Variants in CNTNAP5 observed in about 807,000 individuals in gnomAD.
The protein encoded by CNTNAP5 is contactin associated protein family member 5.
A neutral mutation model predicts 150.2 loss-of-function variants in CNTNAP5; 72 were observed. The observed-to-expected ratio is 0.48, with a 90% CI of 0.40 to 0.58. The LOEUF is 0.58. Ranked by LOEUF, CNTNAP5 falls within the 20% of genes least tolerant of loss-of-function variation. The probability of loss-of-function intolerance (pLI) is 0.00; values close to 1 mark genes in which losing one functional copy is unlikely to be tolerated. For missense variants in CNTNAP5, 1,636 were observed against 1,626.2 expected, an observed-to-expected ratio of 1.01 and a Z score of -0.10; for synonymous variants, 672 against 619.8, an observed-to-expected ratio of 1.08 and a Z score of -1.25.
chr2:124,053,423 A>G (rs1681760582), intron 1 of CNTNAP5, among the ~76,000 whole-genome samples: 1 of 152,204 alleles, frequency 6.6e-6, no homozygotes, highest in African/African-American at 2.4e-5. Context: ...GAGAGCATCA[A>G]CCACGAGGAC....
intron 11 of CNTNAP5, among the ~76,000 whole-genome samples, chr2:124,565,568 TAGATCC>T (rs1696001741): frequency 7.1e-6 from 1 of 141,018 alleles, no homozygotes; most frequent in African/African-American, 2.6e-5. Context: ...AAATTTTACC[TAGATCC>T]TTTTTTTTTT....
chr2:124,060,919 C>T (rs2104653261), intron 1 of CNTNAP5, among the ~76,000 whole-genome samples: 1 of 152,288 alleles, frequency 6.6e-6, no homozygotes, highest in Admixed American at 6.5e-5. Context: ...CATGCAGATA[C>T]AGTTGACCCA....
At chr2:124,889,365 A>G (rs180828795) in intron 21 of CNTNAP5, among the ~76,000 whole-genome samples, 1 of 152,164 alleles carries the variant, frequency 6.6e-6, no homozygotes, top group Non-Finnish European at 1.5e-5. Context: ...TGCTGGAATT[A>G]CAGGCTTGAG....
chr2:124,260,702 TA>T, intron 3 of CNTNAP5, among the ~76,000 whole-genome samples: 1 of 152,322 alleles, frequency 6.6e-6, no homozygotes, highest in Admixed American at 6.5e-5. Context: ...ATATGCATCA[TA>T]AAACAAATGG....
At chr2:124,593,289 C>CCCG (rs1696744555) in intron 11 of CNTNAP5, among the ~76,000 whole-genome samples, 1 of 132,638 alleles carries the variant, frequency 7.5e-6, no homozygotes, top group Non-Finnish European at 1.6e-5. Flanking sequence ...TCCCCCCTCC[C>CCCG]ACCTCCCCAC....
chr2:124,036,250 A>G (rs935276714), intron 1 of CNTNAP5, among the ~76,000 whole-genome samples: 1 of 152,016 alleles, frequency 6.6e-6, no homozygotes, highest in Non-Finnish European at 1.5e-5. Flanking sequence ...TAATCTGTGA[A>G]CCGCATATTA....
chr2:124,837,192 A>G (rs1682847635), intron 19 of CNTNAP5, among the ~76,000 whole-genome samples: 2 of 152,128 alleles, frequency 1.3e-5, no homozygotes, highest in African/African-American at 4.8e-5. Flanking sequence ...AAAAAAAAAA[A>G]AGGTTAAATG....
intron 19 of CNTNAP5, among the ~76,000 whole-genome samples, chr2:124,844,097 A>C (rs1391754898): frequency 6.6e-6 from 1 of 152,002 alleles, no homozygotes; most frequent in African/African-American, 2.4e-5. Flanking sequence ...GCTAATGTCT[A>C]GAAGAGTTTT....
intron 19 of CNTNAP5, among the ~76,000 whole-genome samples, chr2:124,846,137 C>T (rs556532310): frequency 9.2e-5 from 14 of 152,152 alleles, no homozygotes; most frequent in African/African-American, 3.4e-4. Flanking sequence ...TTAATGTAGA[C>T]ATTTAATGCC....
chr2:124,695,770 C>T (rs1679393048), intron 13 of CNTNAP5, among the ~76,000 whole-genome samples: 1 of 152,102 alleles, frequency 6.6e-6, no homozygotes, highest in African/African-American at 2.4e-5. Context: ...TCCCCATTGC[C>T]CAGGCTGTCC....
At chr2:124,242,490 G>GT (rs1265202995) in intron 3 of CNTNAP5, 97 bp downstream of exon 3, 45 of 1,189,648 alleles carry the variant, frequency 3.8e-5, no homozygotes, top group Non-Finnish European at 1.9e-5. Context: ...ATTGTTGGTA[G>GT]TTTAATAACT....
chr2:124,231,828 G>A (rs1686628459), intron 2 of CNTNAP5, among the ~76,000 whole-genome samples: 1 of 152,126 alleles, frequency 6.6e-6, no homozygotes, highest in African/African-American at 2.4e-5. Context: ...CAAATTCAAT[G>A]TGATAGCCCT....
At chr2:124,758,056 G>T (rs906234396) in intron 14 of CNTNAP5, among the ~76,000 whole-genome samples, 1 of 152,150 alleles carries the variant, frequency 6.6e-6, no homozygotes, top group Non-Finnish European at 1.5e-5. Context: ...AGAGTGGATA[G>T]ATTAGAAGCA....
At chr2:124,224,235 A>G (rs1286421467) in intron 2 of CNTNAP5, among the ~76,000 whole-genome samples, 1 of 152,144 alleles carries the variant, frequency 6.6e-6, no homozygotes, top group Non-Finnish European at 1.5e-5. Flanking sequence ...AAATCCTTCT[A>G]TTAATAATTA....
At chr2:124,793,471 TC>T (rs1376666935) in intron 18 of CNTNAP5, among the ~76,000 whole-genome samples, 1 of 152,214 alleles carries the variant, frequency 6.6e-6, no homozygotes, top group East Asian at 1.9e-4. Flanking sequence ...TTTCTCCAGT[TC>T]TATGGGCTGT....
intron 6 of CNTNAP5, among the ~76,000 whole-genome samples, chr2:124,460,185 C>T (rs749484606): frequency 3.3e-5 from 5 of 152,116 alleles, no homozygotes; most frequent in Non-Finnish European, 7.4e-5. Context: ...CATTAAAGCA[C>T]ATATAGGCAT....
chr2:124,046,773 G>T (rs1380381368), intron 1 of CNTNAP5, among the ~76,000 whole-genome samples: 1 of 152,126 alleles, frequency 6.6e-6, no homozygotes, highest in Admixed American at 6.5e-5. Context: ...TTAAAAAATG[G>T]TTTCATAATG....
chr2:124,611,841 C>T (rs138100930), intron 12 of CNTNAP5, among the ~76,000 whole-genome samples: 2,657 of 152,218 alleles, frequency 0.017, 29 homozygotes, highest in Non-Finnish European at 0.026. Context: ...TACTGAGCTT[C>T]GACTCTCTCT....
rs371401593 is a variant in CNTNAP5 at position 124,850,731 on chromosome 2, G to A, written c.3218-14575G>A. Among the ~76,000 whole-genome samples the A allele has an allele frequency of 1.4e-4, 22 of 152,282 alleles. No individual in the cohort carries two copies. The East Asian group carries it at 2.3e-3, about 16-fold the overall frequency. On this transcript the variant is annotated intron_variant, in intron 19 of 23. Transcript: ENST00000682447. ...AAAGCAAGGTGACATCGAGAAATCAGCATGGAGAGAGAGAATGAATGACCA... is the reference window on the plus strand; with the variant it reads ...AAAGCAAGGTGACATCGAGAAATCAACATGGAGAGAGAGAATGAATGACCA...
Sources: allele counts gnomAD v4.1 joint callset (sites outside exome capture counted in the v4.1 genomes callset), GRCh38; gene constraint gnomAD v4.1.1; transcripts MANE v1.5; gene names NCBI Gene and HGNC (gene_info 2026-07-23, HGNC 2026-07-21).